Variants in STXBP5 observed in about 807,000 individuals in gnomAD.
STXBP5 encodes syntaxin-binding protein 5.
Under a neutral mutation model 152.4 loss-of-function variants are expected in STXBP5, and 50 were observed. That is an observed-to-expected ratio of 0.33 (90% CI 0.26 to 0.42). The LOEUF (loss-of-function observed/expected upper bound fraction) is 0.42, where lower values mean the gene tolerates loss of function less well. Among genes scored for constraint, STXBP5 ranks in the 10% least tolerant of loss-of-function variants. The pLI is 1.00. For synonymous variants in STXBP5, 492 were observed against 494.7 expected, an observed-to-expected ratio of 0.99 and a Z score of 0.07; for missense variants, 1,167 against 1,388.6, an observed-to-expected ratio of 0.84 and a Z score of 2.54.
At chr6:147,237,800 T>A (rs1239720405) in intron 3 of STXBP5, among the ~76,000 whole-genome samples, 2 of 152,200 alleles carry the variant, frequency 1.3e-5, no homozygotes, top group East Asian at 3.8e-4. Flanking sequence ...GAGAAACTCT[T>A]ATTTTGAAAG....
rs374964548 is a variant in STXBP5 at position 147,318,517 on chromosome 6, T to C, written c.1802+2110T>C. Among the ~76,000 whole-genome samples the C allele has an allele frequency of 2.0e-5, 3 of 152,188 alleles. No homozygotes were observed. In the East Asian group the frequency reaches 5.8e-4, roughly 29 times the overall value. ...GAGTTTTCTTTATTGTTCATGGACC[T>C]GAGATTATGGTATGGCCATCTTTCT... On this transcript the variant is annotated intron_variant, in intron 16 of 27. Transcript: ENST00000321680.
intron 2 of STXBP5, among the ~76,000 whole-genome samples, chr6:147,225,337 A>G (rs930459651): frequency 6.6e-6 from 1 of 152,162 alleles, no homozygotes; most frequent in African/African-American, 2.4e-5. Flanking sequence ...TTATCTTTAA[A>G]CTTTGCAAGA....
Position 147,297,008 on chromosome 6 carries a change from A to G in STXBP5, c.917+5836A>G, listed in dbSNP as rs564939382. ...ATACAAATATTCACATAATATTTAT[A>G]GAGGGTGAGAAGAGATGGAGGAAAG... On this transcript the variant is annotated intron_variant, in intron 9 of 27. Coordinates refer to ENST00000321680, the MANE Select transcript of STXBP5 (RefSeq NM_001127715.4). Among the ~76,000 whole-genome samples the G allele has an allele frequency of 2.2e-4, 34 of 152,342 alleles. No homozygotes were observed. In the South Asian group the frequency reaches 6.6e-3, roughly 30 times the overall value.
At chr6:147,226,224 G>A (rs184443883) in intron 2 of STXBP5, among the ~76,000 whole-genome samples, 2 of 151,586 alleles carry the variant, frequency 1.3e-5, no homozygotes, top group East Asian at 3.9e-4. Context: ...GATCCCTTGA[G>A]CCCAGAAGGT....
intron 25 of STXBP5, among the ~76,000 whole-genome samples, chr6:147,369,501 G>C (rs1047220084): frequency 2.6e-5 from 4 of 151,954 alleles, no homozygotes; most frequent in Admixed American, 2.0e-4. Flanking sequence ...CTCTTCAGAA[G>C]ACACTTTTTA....
At chr6:147,331,202 T>G (rs1783550211) in intron 18 of STXBP5, among the ~76,000 whole-genome samples, 4 of 152,190 alleles carry the variant, frequency 2.6e-5, no homozygotes. Flanking sequence ...GAAGATATGC[T>G]TATAAGAAGG....
intron 26 of STXBP5, among the ~76,000 whole-genome samples, chr6:147,381,972 C>T (rs1786107828): frequency 6.6e-6 from 1 of 151,388 alleles, no homozygotes; most frequent in Non-Finnish European, 1.5e-5. Flanking sequence ...TGATTCACAT[C>T]CTTACGAATA....
At chr6:147,214,648 G>T (rs1411050314) in intron 2 of STXBP5, among the ~76,000 whole-genome samples, 1 of 152,076 alleles carries the variant, frequency 6.6e-6, no homozygotes, top group African/African-American at 2.4e-5. Context: ...TTAAAATTTT[G>T]ATTTCCGCAT....
chr6:147,350,115 A>C (rs1392931580), intron 21 of STXBP5, among the ~76,000 whole-genome samples: 3 of 152,162 alleles, frequency 2.0e-5, no homozygotes, highest in Non-Finnish European at 4.4e-5. Context: ...CAATCTTTCC[A>C]GTCATTTTGT....
chr6:147,205,741 G>A (rs1370344190), intron 1 of STXBP5, among the ~76,000 whole-genome samples: 1 of 152,132 alleles, frequency 6.6e-6, no homozygotes, highest in Non-Finnish European at 1.5e-5. Context: ...CCAGTATTAT[G>A]GAAAAGCGAA....
At chr6:147,339,444 C>T in intron 21 of STXBP5, 60 bp downstream of exon 21, 2 of 1,272,314 alleles carry the variant, frequency 1.6e-6, no homozygotes, top group Non-Finnish European at 1.0e-6. Context: ...GCTAACCCAA[C>T]ACCAGAATTA....
At chr6:147,295,681 C>G (rs1390585113) in intron 9 of STXBP5, among the ~76,000 whole-genome samples, 1 of 152,158 alleles carries the variant, frequency 6.6e-6, no homozygotes, top group Non-Finnish European at 1.5e-5. Flanking sequence ...CCATAGGCCC[C>G]CAACAGTCCC....
intron 3 of STXBP5, among the ~76,000 whole-genome samples, chr6:147,236,633 G>GCATGTAGTTCAGTTTTATCA (rs1778284083): frequency 6.6e-6 from 1 of 152,078 alleles, no homozygotes; most frequent in African/African-American, 2.4e-5. Flanking sequence ...ATGTACAGAT[G>GCATGTAGTTCAGTTTTATCA]CATGTAAGGA....
chr6:147,314,974 A>G (rs1782569517), intron 14 of STXBP5, among the ~76,000 whole-genome samples: 1 of 152,128 alleles, frequency 6.6e-6, no homozygotes, highest in African/African-American at 2.4e-5. Flanking sequence ...AATTTGTATC[A>G]CTAACGTTCA....
chr6:147,320,813 TAC>T (rs1399474090), intron 16 of STXBP5, among the ~76,000 whole-genome samples: 1 of 152,162 alleles, frequency 6.6e-6, no homozygotes, highest in African/African-American at 2.4e-5. Flanking sequence ...GCTCTATTGA[TAC>T]AGTTATGGTT....
chr6:147,369,294 G>A (rs117917771), intron 25 of STXBP5, among the ~76,000 whole-genome samples: 4,725 of 151,944 alleles, frequency 0.031, 118 homozygotes, highest in Non-Finnish European at 0.05. Flanking sequence ...TTTGATCCAC[G>A]CTTCACACCA....
intron 2 of STXBP5, among the ~76,000 whole-genome samples, chr6:147,227,957 T>C (rs904920239): frequency 6.6e-6 from 1 of 152,178 alleles, no homozygotes; most frequent in Non-Finnish European, 1.5e-5. Context: ...CTCAGGCTTC[T>C]CAAGGATGGA....
At position 147,325,215 on chromosome 6, in the gene STXBP5, C is replaced by T. The variant is rs532938855; in HGVS notation, c.1928+131C>T. On this transcript the variant is annotated intron_variant, in intron 17 of 27. Transcript: ENST00000321680. ...GGCATTCTACAATTTTGATTTCAGA[C>T]GAAATTGACTGTTTATTTGGAACAT... 1.3e-4 allele frequency: 120 copies of T among 902,662 alleles called. No homozygotes were observed. The East Asian group carries it at 2.2e-3, about 16-fold the overall frequency. The allele number at this position is 902,662 out of a possible 1,614,324, so 55.9% of individuals were successfully genotyped here. A position where few individuals can be genotyped will look rare whatever the true frequency, so the allele number is the denominator to read the frequency against.
rs1455010404 is a variant in STXBP5 at position 147,279,619 on chromosome 6, A to G, written c.838+1415A>G. Among the ~76,000 whole-genome samples, 3 of 152,190 alleles carry G rather than the reference A, an allele frequency of 2.0e-5. No homozygotes were observed. The East Asian group carries it at 5.8e-4, about 29-fold the overall frequency. On this transcript the variant is annotated intron_variant, in intron 8 of 27. Transcript: ENST00000321680. ...TACTTTACCACTGCTTTGTGACAGCAATCATCTTCTGGGAAAGCACTTACA... is the reference window on the plus strand; with the variant it reads ...TACTTTACCACTGCTTTGTGACAGCGATCATCTTCTGGGAAAGCACTTACA...
Sources: allele counts gnomAD v4.1 joint callset (sites outside exome capture counted in the v4.1 genomes callset), GRCh38; gene constraint gnomAD v4.1.1; transcripts MANE v1.5; gene names NCBI Gene and HGNC (gene_info 2026-07-23, HGNC 2026-07-21).